TNPO2: variants seen among roughly 807,000 people sequenced by gnomAD.
The protein encoded by TNPO2 is transportin 2.
TNPO2 carries 16 observed loss-of-function variants against 111.1 expected under a neutral mutation model. The ratio of observed to expected loss-of-function variants is 0.14; its 90% confidence interval spans 0.10 to 0.22. The LOEUF (loss-of-function observed/expected upper bound fraction) is 0.22. Ranked by LOEUF, TNPO2 falls within the 10% of genes least tolerant of loss-of-function variation. TNPO2 has a pLI of 1.00. For missense variants in TNPO2, 530 were observed against 1,173.7 expected, an observed-to-expected ratio of 0.45 and a Z score of 8.01; for synonymous variants, 481 against 475.8, an observed-to-expected ratio of 1.01 and a Z score of -0.14.
rs1475906659 is a variant in TNPO2, at chr19:12,706,547, T to C, written c.1496+23A>G. The C allele has an allele frequency of 3.7e-6, 6 of 1,612,390 alleles. No homozygotes were observed. The highest frequency in any genetic ancestry group is 2.2e-5 in the South Asian group (2 of 91,032). ...GGTGGCCGGGGGAGAGTGGGGGCTG[T>C]GGGATCAGGGGTCCAGGGTCACCTG... On this transcript the variant is annotated intron_variant, in intron 14 of 25. Coordinates refer to ENST00000425528, the MANE Select transcript of TNPO2 (RefSeq NM_001382241.1). The surrounding 1 kb of genome is among the most constrained non-coding windows in gnomAD (Gnocchi z 7.0).
chr19:12,702,392 T>TTTTGTTTTG lies in TNPO2; in HGVS notation c.2306-216_2306-215insCAAAACAAA. 2 of 685,070 alleles carry TTTTGTTTTG rather than the reference T, an allele frequency of 2.9e-6. No homozygotes were observed. Among genetic ancestry groups the TTTTGTTTTG allele is most frequent in the African/African-American group, 1.8e-5 (1 of 56,320 alleles). 42.4% of individuals were successfully genotyped at this position (685,070 alleles called of 1,614,324 possible). A position where few individuals can be genotyped will look rare whatever the true frequency, so the allele number is the denominator to read the frequency against. ...TTCCTTTCCCTTTCCTTTTTGTTTTTTTTTGTTTTGTTTTGTTTTTGAGAT... is the reference window on the plus strand; with the variant it reads ...TTCCTTTCCCTTTCCTTTTTGTTTTTTTTGTTTTGTTTTGTTTTGTTTTGTTTTTGAGAT... On this transcript the variant is annotated intron_variant, in intron 21 of 25. Transcript: ENST00000425528. This position sits in a 1 kb window ranked among gnomAD's most constrained non-coding sequence, Gnocchi z 5.5.
rs1283303564 is a variant in TNPO2, at chr19:12,706,987, C to T, written c.1271-192G>A. On this transcript the variant is annotated intron_variant, in intron 13 of 25. Transcript: ENST00000425528. This position sits in a 1 kb window ranked among gnomAD's most constrained non-coding sequence, Gnocchi z 7.0. ...GGGAAACAACAGAAGCCTCTCATCCCAAAGCCCCGGGTTATCTTTATTTTT... is the reference window on the plus strand; with the variant it reads ...GGGAAACAACAGAAGCCTCTCATCCTAAAGCCCCGGGTTATCTTTATTTTT... 6.6e-6 allele frequency among the ~76,000 whole-genome samples: 1 copy of T among 152,178 alleles called. No homozygotes were observed. Among genetic ancestry groups the T allele is most frequent in the African/African-American group, 2.4e-5 (1 of 41,444 alleles).
intron 3 of TNPO2, among the ~76,000 whole-genome samples, chr19:12,720,474 C>T (rs577415920): frequency 1.3e-5 from 2 of 152,190 alleles, no homozygotes; most frequent in African/African-American, 4.8e-5. Flanking sequence ...GTGCATGCCA[C>T]CACACCTAGC....
In TNPO2 at chr19:12,715,596, C is replaced by G. The variant is rs142966337; in HGVS notation, c.432+37G>C. 12,763 of 1,613,548 alleles carry G rather than the reference C, an allele frequency of 7.9e-3. 73 individuals are homozygous for G. Among genetic ancestry groups the G allele is most frequent in the Middle Eastern group, 0.019 (118 of 6,062 alleles). ...GTGGTGGGTGGTGGTCCCAGCCCCC[C>G]AGTACTCGCTCTGGCCATCCATGGC... On this transcript the variant is annotated intron_variant, in intron 6 of 25. Transcript: ENST00000425528. This position sits in a 1 kb window ranked among gnomAD's most constrained non-coding sequence, Gnocchi z 7.1.
At position 12,714,872 on chromosome 19, in the gene TNPO2, G is replaced by A. The variant is rs763715165; in HGVS notation, c.839C>T (p.Thr280Met). ...CTTGCAGATGGGCTGCTCGGCCAGC[G>A]TCAGCCAGAACTCACAGGCCTCAAG... The part of the protein sequence containing the change: ...VALEACEFWL[T>M]LAEQPICKEV... Residue 280 changes from threonine to methionine, a missense_variant, in exon 10 of 26, where the codon ACG becomes ATG. Transcript: ENST00000425528. 5.3e-5 allele frequency: 85 copies of A among 1,613,842 alleles called. No homozygotes were observed. The highest frequency in any genetic ancestry group is 6.8e-5 in the Non-Finnish European group (80 of 1,179,812).
chr19:12,715,722 T>C lies in TNPO2; in HGVS notation c.343A>G (p.Ile115Val). 1 of 1,612,330 alleles carries C rather than the reference T, an allele frequency of 6.2e-7. No individual in the cohort carries two copies. The highest frequency in any genetic ancestry group is 8.5e-7 in the Non-Finnish European group (1 of 1,179,388). Residue 115 changes from isoleucine (I) to valine (V), a missense_variant, in exon 6 of 26, where the codon ATC becomes GTC. This residue lies in a region of TNPO2 where 156 missense variants were observed against 405.8 expected (regional missense o/e 0.38). Transcript: ENST00000425528. The surrounding 1 kb of genome is among the most constrained non-coding windows in gnomAD (Gnocchi z 7.1). ...RATIGILITTIASKGELQMWP... is the reference protein window; with the variant it reads ...RATIGILITTVASKGELQMWP... ...ATCTGCAGCTCACCCTTGGAAGCGATGGTGGTGATGAGAATGCCTGGGGCG... is the reference window on the plus strand; with the variant it reads ...ATCTGCAGCTCACCCTTGGAAGCGACGGTGGTGATGAGAATGCCTGGGGCG...
At position 12,714,876 on chromosome 19, in the gene TNPO2, G is replaced by A. The variant is rs753280424; in HGVS notation, c.835C>T (p.Leu279=). 3.7e-6 allele frequency: 6 copies of A among 1,613,836 alleles called. No homozygotes were observed. The South Asian group carries it at 6.6e-5, about 18-fold the overall frequency. The change falls in exon 10 of 26, where the codon CTG becomes TTG. Residue 279 remains leucine (L), a synonymous_variant. Transcript: ENST00000425528. Reference sequence around the variant, plus strand: ...CAGATGGGCTGCTCGGCCAGCGTCAGCCAGAACTCACAGGCCTCAAGGGCA... The same window carrying A: ...CAGATGGGCTGCTCGGCCAGCGTCAACCAGAACTCACAGGCCTCAAGGGCA... ...NVALEACEFW[L]TLAEQPICKE...
chr19:12,715,568 T>C lies in TNPO2; in HGVS notation c.433-30A>G. ...GTGCAGAGGGGCAGAGAGACAAACG[T>C]GGGTGGTGGGTGGTGGTCCCAGCCC... is the stretch of plus-strand genomic sequence containing the variant. On this transcript the variant is annotated intron_variant, in intron 6 of 25. Coordinates refer to ENST00000425528, the MANE Select transcript of TNPO2 (RefSeq NM_001382241.1). The surrounding 1 kb of genome is among the most constrained non-coding windows in gnomAD (Gnocchi z 7.1). 6.2e-7 allele frequency: 1 copy of C among 1,613,510 alleles called. No homozygotes were observed.
Position 12,721,069 on chromosome 19 carries a change from G to C in TNPO2, c.-13-79C>G, listed in dbSNP as rs978316229. The C allele has an allele frequency of 3.3e-6, 5 of 1,532,008 alleles. No homozygotes were observed. The South Asian group carries it at 6.0e-5, about 18-fold the overall frequency. 94.9% of individuals were successfully genotyped at this position (1,532,008 alleles called of 1,614,324 possible). On this transcript the variant is annotated intron_variant, in intron 2 of 25. Coordinates refer to ENST00000425528, the MANE Select transcript of TNPO2 (RefSeq NM_001382241.1). The surrounding 1 kb of genome is among the most constrained non-coding windows in gnomAD (Gnocchi z 4.9). ...CCCAGGTGGAGCCCCTGAGGCCGCG[G>C]TGGCCGCATGACGACGGGAACGCCC...
chr19:12,701,554 C>T lies in TNPO2; in HGVS notation c.2586+44G>A. Reference sequence around the variant, plus strand: ...CCATTGTTACCAGATGGTCTCACCCCTGCCTGCTCCCGGAACTAGATCAGG... The same window carrying T: ...CCATTGTTACCAGATGGTCTCACCCTTGCCTGCTCCCGGAACTAGATCAGG... On this transcript the variant is annotated intron_variant, in intron 24 of 25. Transcript: ENST00000425528. This position sits in a 1 kb window ranked among gnomAD's most constrained non-coding sequence, Gnocchi z 5.0. 1 of 1,610,500 alleles carries T rather than the reference C, an allele frequency of 6.2e-7. No homozygotes were observed. Among genetic ancestry groups the T allele is most frequent in the Non-Finnish European group, 8.5e-7 (1 of 1,176,906 alleles).
chr19:12,716,581 G>A (rs60980548), intron 5 of TNPO2, among the ~76,000 whole-genome samples: 21,487 of 151,944 alleles, frequency 0.14, 4,577 homozygotes, highest in African/African-American at 0.46. Context: ...AGCAGAGATC[G>A]CGCCACAGCA....
In TNPO2 at chr19:12,715,040, T is replaced by G. The variant is rs528789336; in HGVS notation, c.771+7A>C. ...TGCCCGCCTGGGCTGGCCTTGACCA[T>G]GCACACCTGGATGATGCTGTGCATG... On this transcript the variant is annotated splice_region_variant and intron_variant, in intron 9 of 25. Coordinates refer to ENST00000425528, the MANE Select transcript of TNPO2 (RefSeq NM_001382241.1). This position sits in a 1 kb window ranked among gnomAD's most constrained non-coding sequence, Gnocchi z 7.1. 1 of 1,531,420 alleles carries G rather than the reference T, an allele frequency of 6.5e-7. No homozygotes were observed. The highest frequency in any genetic ancestry group is 1.4e-5 in the African/African-American group (1 of 73,598). 94.9% of individuals were successfully genotyped at this position (1,531,420 alleles called of 1,614,324 possible). A position where few individuals can be genotyped will look rare whatever the true frequency, so the allele number is the denominator to read the frequency against.
chr19:12,707,633 C>T (rs534854185), intron 13 of TNPO2, among the ~76,000 whole-genome samples: 4 of 150,632 alleles, frequency 2.7e-5, no homozygotes, highest in Non-Finnish European at 5.9e-5. Flanking sequence ...GGACTGCAGG[C>T]GCCCGCCACC....
chr19:12,721,182 GC>G lies in TNPO2; in HGVS notation c.-13-193del. 1 of 1,390,792 alleles carries G rather than the reference GC, an allele frequency of 7.2e-7. No homozygotes were observed. Among genetic ancestry groups the G allele is most frequent in the South Asian group, 1.5e-5 (1 of 64,612 alleles). The allele number at this position is 1,390,792 out of a possible 1,614,324, so 86.2% of individuals were successfully genotyped here. ...GCCATCCTCGGCCGCGCAGTCGCGG[GC>G]TCGGGAGCGCGGGAGGGGGGATGTG... On this transcript the variant is annotated intron_variant, in intron 2 of 25. Coordinates refer to ENST00000425528, the MANE Select transcript of TNPO2 (RefSeq NM_001382241.1). This position sits in a 1 kb window ranked among gnomAD's most constrained non-coding sequence, Gnocchi z 4.9.
rs754131863 is a variant in TNPO2 at position 12,701,517 on chromosome 19, C to G, written c.2587-64G>C. 7.3e-5 allele frequency: 116 copies of G among 1,595,042 alleles called. No individual in the cohort carries two copies. The highest frequency in any genetic ancestry group is 8.7e-5 in the Non-Finnish European group (101 of 1,163,108). ...AACAAGGGGAGTGCGCCTCTTCCCC[C>G]ATCCCCAGGCCCCATTGTTACCAGA... is the stretch of plus-strand genomic sequence containing the variant. On this transcript the variant is annotated intron_variant, in intron 24 of 25. Transcript: ENST00000425528. This position sits in a 1 kb window ranked among gnomAD's most constrained non-coding sequence, Gnocchi z 5.0.
At chr19:12,704,626 T>A (rs2025527495) in intron 18 of TNPO2, among the ~76,000 whole-genome samples, 1 of 152,240 alleles carries the variant, frequency 6.6e-6, no homozygotes. Context: ...AACCCACAGA[T>A]ACAGAGAGCC....
At position 12,701,448 on chromosome 19, in the gene TNPO2, G is replaced by A. The variant is rs185580176; in HGVS notation, c.2592C>T (p.Leu864=). The change falls in exon 25 of 26, where the codon CTC becomes CTT. Residue 864 remains leucine (L), a synonymous_variant. Coordinates refer to ENST00000425528, the MANE Select transcript of TNPO2 (RefSeq NM_001382241.1). This position sits in a 1 kb window ranked among gnomAD's most constrained non-coding sequence, Gnocchi z 5.0. ...CCCCAACTTGGTCTTTGAAGCCGTG[G>A]AGAATCTGTGGGGAGGGTGGTGGTG... ...DDLRDMFYKI[L]HGFKDQVGED... 9,296 of 1,613,834 alleles carry A rather than the reference G, an allele frequency of 5.8e-3. 54 individuals carry two copies. The highest frequency in any genetic ancestry group is 9.7e-3 in the Middle Eastern group (59 of 6,060).
Position 12,719,105 on chromosome 19 carries a change from G to A in TNPO2, c.249C>T (p.Pro83=). 2 of 1,614,010 alleles carry A rather than the reference G, an allele frequency of 1.2e-6. No homozygotes were observed. The highest frequency in any genetic ancestry group is 1.7e-6 in the Non-Finnish European group (2 of 1,179,900). The change falls in exon 5 of 26, where the codon CCC becomes CCT. Residue 83 remains proline, a synonymous_variant. Transcript: ENST00000425528. This position sits in a 1 kb window ranked among gnomAD's most constrained non-coding sequence, Gnocchi z 5.0. ...NVKAHYQSFP[P]PVADFIKQEC... is the part of the protein sequence containing the mutation. ...CCTGTTTGATGAAGTCTGCCACAGG[G>A]GGTGGGAAGCTCTGATAGTGTGCCT...
At chr19:12,718,471 G>A (rs2026489051) in intron 5 of TNPO2, among the ~76,000 whole-genome samples, 1 of 151,912 alleles carries the variant, frequency 6.6e-6, no homozygotes, top group Non-Finnish European at 1.5e-5. Flanking sequence ...GGCCAGCTAA[G>A]TTTTTTGTAT....
Sources: allele counts gnomAD v4.1 joint callset (sites outside exome capture counted in the v4.1 genomes callset), GRCh38; gene constraint gnomAD v4.1.1; regional missense constraint gnomAD v4.1.1; non-coding constraint Gnocchi (gnomAD v3.1); transcripts MANE v1.5; gene names NCBI Gene and HGNC (gene_info 2026-07-23, HGNC 2026-07-21).